Variants in PPP3CA observed in about 807,000 individuals in gnomAD.
The protein encoded by PPP3CA is CAM-PRP catalytic subunit.
A neutral mutation model predicts 66.5 loss-of-function variants in PPP3CA; 14 were observed. That is an observed-to-expected ratio of 0.21 (90% CI 0.14 to 0.33). The LOEUF (loss-of-function observed/expected upper bound fraction) is 0.33, where lower values mean the gene tolerates loss of function less well. PPP3CA is among the 10% of genes least tolerant of loss of function. The pLI, the probability that PPP3CA is intolerant of heterozygous loss-of-function variation, is 1.00. For synonymous variants in PPP3CA, 232 were observed against 226.2 expected (o/e 1.03, Z -0.23); for missense variants, 317 against 639.5 (o/e 0.50, Z 5.44).
intron 2 of PPP3CA, among the ~76,000 whole-genome samples, chr4:101,145,676 C>T (rs569778391): frequency 6.6e-6 from 1 of 151,832 alleles, no homozygotes; most frequent in East Asian, 1.9e-4. Context: ...CTAATGGTTA[C>T]AAAAAATAAT....
At chr4:101,343,275 G>A (rs1035443261) in intron 1 of PPP3CA, among the ~76,000 whole-genome samples, 1 of 152,130 alleles carries the variant, frequency 6.6e-6, no homozygotes, top group Admixed American at 6.5e-5. Context: ...ATCACATAGG[G>A]TTTAATTTCC....
chr4:101,054,288 A>T (rs1310939734), intron 10 of PPP3CA, among the ~76,000 whole-genome samples: 1 of 152,108 alleles, frequency 6.6e-6, no homozygotes, highest in Non-Finnish European at 1.5e-5. Flanking sequence ...CTCTTAGTAT[A>T]TGTGCTGCTA....
chr4:101,279,089 A>C (rs983108068), intron 1 of PPP3CA, among the ~76,000 whole-genome samples: 3 of 152,176 alleles, frequency 2.0e-5, no homozygotes, highest in Non-Finnish European at 4.4e-5. Context: ...TCACCTTCTC[A>C]CTGAAAAAAG....
At chr4:101,245,464 GGTTTTTCATTTGTTT>G (rs1560678082) in intron 1 of PPP3CA, among the ~76,000 whole-genome samples, 1 of 151,984 alleles carries the variant, frequency 6.6e-6, no homozygotes, top group Non-Finnish European at 1.5e-5. Context: ...AAATCCTACA[GGTTTTTCATTTGTTT>G]GTTTGAAAAG....
intron 13 of PPP3CA, 133 bp from the exon 14 acceptor site, chr4:101,026,194 A>G (rs1726641263): frequency 1.5e-6 from 1 of 689,362 alleles, no homozygotes; most frequent in African/African-American, 1.8e-5. Context: ...AAGTGACGGG[A>G]CCTGCACACC....
intron 10 of PPP3CA, among the ~76,000 whole-genome samples, chr4:101,056,123 T>A (rs1728212741): frequency 1.3e-5 from 2 of 152,170 alleles, no homozygotes; most frequent in South Asian, 4.1e-4. Context: ...ATCCAGGCTC[T>A]GTTGCACTTT....
At chr4:101,099,006 A>T (rs1017898696) in intron 4 of PPP3CA, among the ~76,000 whole-genome samples, 1 of 152,162 alleles carries the variant, frequency 6.6e-6, no homozygotes, top group Non-Finnish European at 1.5e-5. Flanking sequence ...ATATAGGACT[A>T]AATGAAAGAG....
At chr4:101,091,295 A>T (rs1480823995) in intron 6 of PPP3CA, among the ~76,000 whole-genome samples, 1 of 152,200 alleles carries the variant, frequency 6.6e-6, no homozygotes, top group Non-Finnish European at 1.5e-5. Context: ...AACAATGCCA[A>T]CTTTTCACTA....
chr4:101,061,237 G>A lies in PPP3CA; in HGVS notation c.1082-76C>T, dbSNP rs550855317. 12 of 1,240,048 alleles carry A rather than the reference G, an allele frequency of 9.7e-6. No homozygotes were observed. The African/African-American group carries it at 1.2e-4, about 12-fold the overall frequency. The allele number at this position is 1,240,048 out of a possible 1,614,324, so 76.8% of individuals were successfully genotyped here. A position where few individuals can be genotyped will look rare whatever the true frequency, so the allele number is the denominator to read the frequency against. On this transcript the variant is annotated intron_variant, in intron 9 of 13. Coordinates refer to ENST00000394854, the MANE Select transcript of PPP3CA (RefSeq NM_000944.5). ...TAACTATTACTCTGGCATTGTTAATGAGCAAACTTAGCAATAACATTTCTT... is the reference window on the plus strand; with the variant it reads ...TAACTATTACTCTGGCATTGTTAATAAGCAAACTTAGCAATAACATTTCTT...
intron 1 of PPP3CA, among the ~76,000 whole-genome samples, chr4:101,296,711 AT>A (rs1728211460): frequency 1.3e-5 from 2 of 152,120 alleles, no homozygotes; most frequent in Non-Finnish European, 2.9e-5. Flanking sequence ...TCTGTTTCCC[AT>A]TTTTTAAAAT....
chr4:101,040,646 G>T, intron 10 of PPP3CA, 80 bp from the exon 11 acceptor site: 2 of 1,074,282 alleles, frequency 1.9e-6, no homozygotes, highest in Non-Finnish European at 2.7e-6. Context: ...ACATACAACA[G>T]ACTCCAGTAA....
chr4:101,133,712 T>C (rs374805502), intron 2 of PPP3CA, among the ~76,000 whole-genome samples: 4 of 152,162 alleles, frequency 2.6e-5, no homozygotes, highest in African/African-American at 7.2e-5. Flanking sequence ...TAAGCTACCA[T>C]TGACTTTCTT....
intron 2 of PPP3CA, among the ~76,000 whole-genome samples, chr4:101,118,956 ATTTTTTTTTTT>A (rs201507463): frequency 7.7e-6 from 1 of 129,940 alleles, no homozygotes; most frequent in Non-Finnish European, 1.6e-5. Flanking sequence ...GAACTTACAG[ATTTTTTTTTTT>A]TTTTTTTTTT....
intron 1 of PPP3CA, among the ~76,000 whole-genome samples, chr4:101,241,109 C>T (rs1182873646): frequency 1.3e-5 from 2 of 151,954 alleles, no homozygotes; most frequent in Admixed American, 1.3e-4. Context: ...TCAAGCAATC[C>T]TCCTGCTTCA....
Position 101,051,739 on chromosome 4 carries a change from TG to T in PPP3CA, c.1156+9347del, listed in dbSNP as rs796528072. 1.1e-4 allele frequency among the ~76,000 whole-genome samples: 16 copies of T among 152,260 alleles called. No homozygotes were observed. The East Asian group carries it at 2.3e-3, about 22-fold the overall frequency. ...TTTACTTCCCTTATGCAACATGGTT[TG>T]CTTTCTCGAATAAATTTTATAAATC... is the stretch of plus-strand genomic sequence containing the variant. On this transcript the variant is annotated intron_variant, in intron 10 of 13. Transcript: ENST00000394854.
At chr4:101,245,859 A>C (rs1726460168) in intron 1 of PPP3CA, among the ~76,000 whole-genome samples, 1 of 151,982 alleles carries the variant, frequency 6.6e-6, no homozygotes, top group East Asian at 1.9e-4. Flanking sequence ...ACACACATTA[A>C]AGAAGTAATT....
chr4:101,083,384 G>A (rs1729524826), intron 6 of PPP3CA, 121 bp from the exon 7 acceptor site: 1 of 880,776 alleles, frequency 1.1e-6, no homozygotes, highest in Admixed American at 2.2e-5. Context: ...CATCATTCAT[G>A]AAACAAGCCT....
chr4:101,133,445 T>C (rs1722514996), intron 2 of PPP3CA, among the ~76,000 whole-genome samples: 1 of 152,158 alleles, frequency 6.6e-6, no homozygotes, highest in African/African-American at 2.4e-5. Flanking sequence ...TGTTTTCCTA[T>C]ACACCAATAA....
In PPP3CA at chr4:101,083,085, G is replaced by T. The variant is rs558436751; in HGVS notation, c.860+101C>A. On this transcript the variant is annotated intron_variant, in intron 7 of 13. Coordinates refer to ENST00000394854, the MANE Select transcript of PPP3CA (RefSeq NM_000944.5). ...AATTTTAAGCTCTAATTCCTTTTGG[G>T]AGTGAGCCTGGTAAAAGGGAACCTG... is the stretch of plus-strand genomic sequence containing the variant. 6.8e-5 allele frequency: 56 copies of T among 819,334 alleles called. No individual in the cohort carries two copies. In the African/African-American group the frequency reaches 9.5e-4, roughly 14 times the overall value. 50.8% of individuals were successfully genotyped at this position (819,334 alleles called of 1,614,324 possible).
Sources: gnomAD v4.1 joint callset for allele counts (sites outside exome capture counted in the v4.1 genomes callset) on GRCh38, gnomAD v4.1.1 for gene constraint, MANE v1.5 for transcripts, NCBI Gene and HGNC (gene_info 2026-07-23, HGNC 2026-07-21) for gene names.